Variants in PPP1R1C observed in about 807,000 individuals in gnomAD.
The protein encoded by PPP1R1C is protein phosphatase 1 regulatory subunit 1C.
In PPP1R1C, 15 loss-of-function variants were observed where a neutral mutation model predicts 17.4. The observed-to-expected ratio is 0.86, with a 90% CI of 0.58 to 1.33. PPP1R1C has a LOEUF of 1.33. Among genes scored for constraint, PPP1R1C ranks in the 40% most tolerant of loss-of-function variants. PPP1R1C has a pLI of 0.00. For missense variants in PPP1R1C, 143 were observed against 130.0 expected (o/e 1.10, Z -0.48); for synonymous variants, 35 against 43.1 (o/e 0.81, Z 0.73).
At position 182,117,311 on chromosome 2, in the gene PPP1R1C, A is replaced by T. The variant is rs779041614; in HGVS notation, c.*16A>T. On this transcript the variant is annotated 3_prime_UTR_variant, in exon 5 of 5. Coordinates refer to ENST00000682840, the MANE Select transcript of PPP1R1C (RefSeq NM_001080545.3). Reference sequence around the variant, plus strand: ...GGACCATTAATTACTGGTCTGCAGCAAGAAGGCTTCTTGGAAATAACTGAA... The same window carrying T: ...GGACCATTAATTACTGGTCTGCAGCTAGAAGGCTTCTTGGAAATAACTGAA... 7.3e-6 allele frequency: 11 copies of T among 1,513,304 alleles called. No individual in the cohort carries two copies. Among genetic ancestry groups the T allele is most frequent in the Non-Finnish European group, 9.8e-6 (11 of 1,120,472 alleles). 93.7% of individuals were successfully genotyped at this position (1,513,304 alleles called of 1,614,324 possible).
chr2:182,069,396 G>A (rs982947108), intron 4 of PPP1R1C, among the ~76,000 whole-genome samples: 13 of 151,772 alleles, frequency 8.6e-5, no homozygotes, highest in African/African-American at 3.1e-4. Context: ...GTGGAGGGTG[G>A]AGTCAGGTTG....
At chr2:182,115,972 C>T (rs1301608456) in intron 4 of PPP1R1C, among the ~76,000 whole-genome samples, 5 of 152,006 alleles carry the variant, frequency 3.3e-5, no homozygotes, top group Non-Finnish European at 7.4e-5. Context: ...TGTAAAATTG[C>T]CCACGTTAAC....
Position 182,085,412 on chromosome 2 carries a change from C to A in PPP1R1C, c.241+21621C>A, listed in dbSNP as rs147503157. 6.3e-3 allele frequency among the ~76,000 whole-genome samples: 957 copies of A among 152,092 alleles called. 2 individuals carry two copies. The highest frequency in any genetic ancestry group is 9.9e-3 in the Non-Finnish European group (674 of 67,952). ...AAAGTAAAATGTTATGAATATTCAT[C>A]CTTTAATTGTAGAAAATGTGTAGTT... On this transcript the variant is annotated intron_variant, in intron 4 of 4. Transcript: ENST00000682840.
chr2:182,012,631 C>T (rs930430052), intron 2 of PPP1R1C, among the ~76,000 whole-genome samples: 1 of 151,992 alleles, frequency 6.6e-6, no homozygotes, highest in Non-Finnish European at 1.5e-5. Context: ...CAAGTAAGGA[C>T]TTGCTATGGC....
chr2:182,113,168 A>G (rs1223846439), intron 4 of PPP1R1C, among the ~76,000 whole-genome samples: 1 of 152,212 alleles, frequency 6.6e-6, no homozygotes, highest in Non-Finnish European at 1.5e-5. Context: ...GAACTCACTC[A>G]TTTGTTTATT....
intron 4 of PPP1R1C, among the ~76,000 whole-genome samples, chr2:182,112,616 T>C (rs1396106175): frequency 6.6e-6 from 1 of 152,178 alleles, no homozygotes; most frequent in African/African-American, 2.4e-5. Context: ...CAATAACCAC[T>C]ATGGGAATTT....
intron 1 of PPP1R1C, chr2:181,954,640 GA>G (rs1684640781): frequency 6.6e-6 from 1 of 152,018 alleles, no homozygotes; most frequent in Non-Finnish European, 1.5e-5. Flanking sequence ...AAAAGGTTAG[GA>G]AAAAATTCTA....
intron 2 of PPP1R1C, among the ~76,000 whole-genome samples, chr2:182,059,295 T>C (rs1270911668): frequency 6.6e-6 from 1 of 152,126 alleles, no homozygotes; most frequent in Non-Finnish European, 1.5e-5. Flanking sequence ...TCAGAAAATT[T>C]ATAGTTTTTG....
At chr2:182,055,376 C>T (rs75846470) in intron 2 of PPP1R1C, among the ~76,000 whole-genome samples, 6,272 of 152,204 alleles carry the variant, frequency 0.041, 435 homozygotes, top group African/African-American at 0.14. Context: ...ATAATGTAGA[C>T]AATTCAAGAG....
chr2:181,957,784 C>T lies in PPP1R1C; in HGVS notation n.111+3150C>T, dbSNP rs1684696183. Among the ~76,000 whole-genome samples the T allele has an allele frequency of 6.6e-6, 1 of 152,192 alleles. No homozygotes were observed. The highest frequency in any genetic ancestry group is 2.1e-4 in the South Asian group (1 of 4,824). ...TCTGAACACCACGCCTTACCCCATA[C>T]TCATCAGCCAATGTTGATTCTTCTG... On this transcript the variant is annotated intron_variant and non_coding_transcript_variant, in intron 1 of 5. Coordinates refer to the PPP1R1C transcript ENST00000464264. This position sits in a 1 kb window ranked among gnomAD's most constrained non-coding sequence, Gnocchi z 4.2.
intron 2 of PPP1R1C, among the ~76,000 whole-genome samples, chr2:182,044,185 A>G (rs1455263372): frequency 6.6e-6 from 1 of 152,156 alleles, no homozygotes; most frequent in Non-Finnish European, 1.5e-5. Flanking sequence ...CCTCCAATTC[A>G]TTCTCCACAT....
At chr2:182,075,831 T>C (rs1377922055) in intron 4 of PPP1R1C, among the ~76,000 whole-genome samples, 1 of 152,182 alleles carries the variant, frequency 6.6e-6, no homozygotes, top group African/African-American at 2.4e-5. Flanking sequence ...TGGGTTTCAA[T>C]TGATAATCTT....
intron 2 of PPP1R1C, among the ~76,000 whole-genome samples, chr2:182,051,313 C>T (rs781662559): frequency 5.3e-5 from 8 of 152,144 alleles, no homozygotes; most frequent in Non-Finnish European, 8.8e-5. Context: ...TCTCTTGTTA[C>T]AGATTAAAGG....
upstream of PPP1R1C, among the ~76,000 whole-genome samples, chr2:181,983,325 C>G (rs1490218288): frequency 6.6e-6 from 1 of 152,126 alleles, no homozygotes; most frequent in Non-Finnish European, 1.5e-5. Context: ...CTCTCTGACT[C>G]CCGATTACCT....
At chr2:182,075,599 G>A (rs936041993) in intron 4 of PPP1R1C, among the ~76,000 whole-genome samples, 2 of 152,174 alleles carry the variant, frequency 1.3e-5, no homozygotes, top group Non-Finnish European at 2.9e-5. Flanking sequence ...CCATCACTGC[G>A]TAGGACAAAG....
At chr2:181,964,104 A>T (rs534741075) in intron 1 of PPP1R1C, among the ~76,000 whole-genome samples, 2 of 152,154 alleles carry the variant, frequency 1.3e-5, no homozygotes, top group Admixed American at 1.3e-4. Flanking sequence ...CTACTCCCTC[A>T]CTCCACAAGT....
intron 1 of PPP1R1C, among the ~76,000 whole-genome samples, chr2:181,970,136 T>G (rs1172715299): frequency 7.8e-6 from 1 of 127,996 alleles, no homozygotes; most frequent in Non-Finnish European, 1.6e-5. Context: ...CCTTATTTAG[T>G]TTTTTTTTTT....
At chr2:182,027,687 C>T (rs1227663705) in intron 2 of PPP1R1C, among the ~76,000 whole-genome samples, 1 of 150,542 alleles carries the variant, frequency 6.6e-6, no homozygotes, top group Non-Finnish European at 1.5e-5. Flanking sequence ...TTGGTTGTGT[C>T]TCTGCCTGGC....
chr2:182,095,991 A>C (rs1004003411), intron 4 of PPP1R1C, among the ~76,000 whole-genome samples: 38 of 138,194 alleles, frequency 2.7e-4, no homozygotes, highest in Admixed American at 2.4e-3. Context: ...ACACAAAAAA[A>C]CTCTAAAAAA....
Sources: gnomAD v4.1 joint callset for allele counts (sites outside exome capture counted in the v4.1 genomes callset) on GRCh38, gnomAD v4.1.1 for gene constraint, Gnocchi (gnomAD v3.1) non-coding constraint, MANE v1.5 for transcripts, NCBI Gene and HGNC (gene_info 2026-07-23, HGNC 2026-07-21) for gene names.